CDH12: variants seen among roughly 807,000 people sequenced by gnomAD.
CDH12 encodes the protein cadherin-12.
A neutral mutation model predicts 74.1 loss-of-function variants in CDH12; 41 were observed. The ratio of observed to expected loss-of-function variants is 0.55; its 90% CI spans 0.43 to 0.72. The LOEUF (loss-of-function observed/expected upper bound fraction) is 0.72, where lower values mean the gene tolerates loss of function less well. Among genes scored for constraint, CDH12 ranks in the 30% least tolerant of loss-of-function variants. The probability of loss-of-function intolerance (pLI) is 0.00; values close to 1 mark genes in which losing one functional copy is unlikely to be tolerated. For missense variants in CDH12, 945 were observed against 977.2 expected (o/e 0.97, Z 0.44); for synonymous variants, 399 against 355.0 (o/e 1.12, Z -1.39).
At chr5:22,195,044 A>T (rs1371766436) in intron 4 of CDH12, among the ~76,000 whole-genome samples, 4 of 152,182 alleles carry the variant, frequency 2.6e-5, no homozygotes, top group Non-Finnish European at 1.5e-5. Flanking sequence ...GGACCTGATG[A>T]TATTATCCCA....
chr5:22,002,475 C>T (rs763405348), intron 5 of CDH12, among the ~76,000 whole-genome samples: 1 of 152,020 alleles, frequency 6.6e-6, no homozygotes, highest in East Asian at 1.9e-4. Flanking sequence ...ATATGAGATA[C>T]ATTTAAAAAA....
intron 2 of CDH12, among the ~76,000 whole-genome samples, chr5:22,412,272 TAA>T (rs1261276231): frequency 6.6e-6 from 1 of 151,978 alleles, no homozygotes; most frequent in African/African-American, 2.4e-5. Context: ...GATATTACTA[TAA>T]AAACATACAT....
chr5:22,797,377 C>T (rs1176890201), intron 1 of CDH12, among the ~76,000 whole-genome samples: 1 of 152,014 alleles, frequency 6.6e-6, no homozygotes, highest in Non-Finnish European at 1.5e-5. Context: ...GCTCTGTAGT[C>T]CATGGCATTC....
At chr5:21,976,745 G>A (rs942965097) in intron 5 of CDH12, among the ~76,000 whole-genome samples, 1 of 151,778 alleles carries the variant, frequency 6.6e-6, no homozygotes, top group African/African-American at 2.4e-5. Context: ...TAACCATTTG[G>A]GCTATGCCTT....
intron 1 of CDH12, among the ~76,000 whole-genome samples, chr5:22,577,355 T>C (rs1167952595): frequency 6.6e-6 from 1 of 152,190 alleles, no homozygotes; most frequent in Non-Finnish European, 1.5e-5. Flanking sequence ...GAAAAAGCCA[T>C]AACATCCTTT....
chr5:22,676,014 G>T (rs906576994), intron 1 of CDH12, among the ~76,000 whole-genome samples: 2 of 150,932 alleles, frequency 1.3e-5, no homozygotes, highest in Non-Finnish European at 3.0e-5. Context: ...AGCAGTATAG[G>T]ATATCAAAAG....
chr5:22,236,147 C>T (rs917983526), intron 3 of CDH12, among the ~76,000 whole-genome samples: 4 of 152,112 alleles, frequency 2.6e-5, no homozygotes, highest in Admixed American at 6.6e-5. Flanking sequence ...GTGTGAGCAG[C>T]GAATGAATAT....
intron 8 of CDH12, among the ~76,000 whole-genome samples, chr5:21,827,588 T>C (rs1003137620): frequency 6.6e-6 from 1 of 152,186 alleles, no homozygotes; most frequent in Non-Finnish European, 1.5e-5. Flanking sequence ...ATAGTTCTAC[T>C]ACTTATTATG....
chr5:22,416,059 T>C (rs1472266953), intron 2 of CDH12, among the ~76,000 whole-genome samples: 1 of 104,258 alleles, frequency 9.6e-6, no homozygotes. Context: ...TACTTGTAGG[T>C]CTTTTTTTTT....
chr5:22,485,289 C>T (rs761145475), intron 2 of CDH12, among the ~76,000 whole-genome samples: 1 of 152,086 alleles, frequency 6.6e-6, no homozygotes, highest in Non-Finnish European at 1.5e-5. Context: ...TCAAGTGATC[C>T]TCCCATCTCA....
intron 6 of CDH12, among the ~76,000 whole-genome samples, chr5:21,861,880 G>A (rs1423087395): frequency 7.0e-6 from 1 of 142,054 alleles, no homozygotes; most frequent in Admixed American, 7.5e-5. Context: ...TTAACAGCAT[G>A]TAGTTTTTGG....
intron 1 of CDH12, among the ~76,000 whole-genome samples, chr5:22,698,731 ATATAGTGTGTGTGT>A (rs1742548868): frequency 2.6e-3 from 18 of 6,882 alleles, no homozygotes; most frequent in African/African-American, 9.9e-3. Context: ...ATATATATAT[ATATAGTGTGTGTGT>A]GTGTGTGTGT....
chr5:22,405,012 C>T lies in CDH12; in HGVS notation c.-333+245G>A, dbSNP rs1442286957. ...ATCACCTGAGGTCAGGAGTTCAAGACCAGCCTGGCCAACATGGCAGAACCC... is the reference window on the plus strand; with the variant it reads ...ATCACCTGAGGTCAGGAGTTCAAGATCAGCCTGGCCAACATGGCAGAACCC... On this transcript the variant is annotated intron_variant, in intron 3 of 14. Coordinates refer to ENST00000382254, the MANE Select transcript of CDH12 (RefSeq NM_004061.5). Among the ~76,000 whole-genome samples the T allele has an allele frequency of 2.0e-5, 3 of 152,192 alleles. No homozygotes were observed. The South Asian group carries it at 6.2e-4, about 32-fold the overall frequency.
intron 2 of CDH12, among the ~76,000 whole-genome samples, chr5:22,470,847 T>G (rs991430112): frequency 7.5e-6 from 1 of 132,912 alleles, no homozygotes; most frequent in Non-Finnish European, 1.6e-5. Flanking sequence ...CATACTCTCC[T>G]GGCAAAACCT....
intron 4 of CDH12, among the ~76,000 whole-genome samples, chr5:22,129,238 A>G (rs1300140840): frequency 6.6e-6 from 1 of 152,240 alleles, no homozygotes; most frequent in East Asian, 1.9e-4. Context: ...TGACGGTAGC[A>G]AGTTATGTAA....
chr5:22,596,739 C>T (rs1736625485), intron 1 of CDH12, among the ~76,000 whole-genome samples: 1 of 152,172 alleles, frequency 6.6e-6, no homozygotes, highest in Non-Finnish European at 1.5e-5. Context: ...AATTTACAGG[C>T]TTCTGTTTTC....
intron 4 of CDH12, among the ~76,000 whole-genome samples, chr5:22,156,111 T>C (rs1425261787): frequency 6.6e-6 from 1 of 152,184 alleles, no homozygotes. Flanking sequence ...TTTTCACTTA[T>C]GCGTTCACTA....
intron 1 of CDH12, among the ~76,000 whole-genome samples, chr5:22,818,239 C>T (rs1011958513): frequency 1.3e-5 from 2 of 152,114 alleles, no homozygotes; most frequent in African/African-American, 4.8e-5. Context: ...ACTACAAAGT[C>T]CAGACCTGGC....
chr5:22,288,038 C>A (rs1737232431), intron 3 of CDH12, among the ~76,000 whole-genome samples: 1 of 152,102 alleles, frequency 6.6e-6, no homozygotes. Flanking sequence ...TGTGTAAGAT[C>A]TACTTAATTA....
Sources: gnomAD v4.1 joint callset for allele counts (sites outside exome capture counted in the v4.1 genomes callset) on GRCh38, gnomAD v4.1.1 for gene constraint, MANE v1.5 for transcripts, NCBI Gene and HGNC (gene_info 2026-07-23, HGNC 2026-07-21) for gene names.